The following RAD51B variants were observed in gnomAD, a reference collection of about 807,000 sequenced individuals.
RAD51B encodes DNA repair protein RAD51 homolog 2.
RAD51B carries 38 observed loss-of-function variants against 42.2 expected under a neutral mutation model. The observed-to-expected ratio is 0.90, with a 90% confidence interval of 0.70 to 1.18. The LOEUF is 1.18. Ranked by LOEUF, RAD51B falls within the 50% of genes most tolerant of loss-of-function variation. RAD51B has a pLI of 0.00. For missense variants in RAD51B, 373 were observed against 400.7 expected (o/e 0.93, Z 0.59); for synonymous variants, 154 against 145.2 (o/e 1.06, Z -0.43).
intron 7 of RAD51B, among the ~76,000 whole-genome samples, chr14:68,233,953 A>G (rs1291421135): frequency 2.6e-5 from 4 of 152,198 alleles, no homozygotes; most frequent in Non-Finnish European, 5.9e-5. Context: ...GGAGGTTTTA[A>G]AGAAAGAGAG....
At chr14:67,835,687 C>CA (rs143742757) in intron 4 of RAD51B, among the ~76,000 whole-genome samples, 19,524 of 145,800 alleles carry the variant, frequency 0.13, 1,672 homozygotes, top group Non-Finnish European at 0.2. Flanking sequence ...CTGTCTTTAC[C>CA]AAAAAAAAAA....
chr14:68,017,564 G>GT (rs1374035041), intron 7 of RAD51B, among the ~76,000 whole-genome samples: 1 of 152,002 alleles, frequency 6.6e-6, no homozygotes, highest in Non-Finnish European at 1.5e-5. Flanking sequence ...AATTGAATTT[G>GT]TTTTTTAGAG....
chr14:68,580,039 G>A (rs1424171991), intron 10 of RAD51B, among the ~76,000 whole-genome samples: 3 of 152,226 alleles, frequency 2.0e-5, no homozygotes, highest in Non-Finnish European at 2.9e-5. Context: ...ATGGAGCTTC[G>A]AAGGGGACTT....
chr14:68,388,572 C>T (rs1594765570), intron 8 of RAD51B, among the ~76,000 whole-genome samples: 2 of 152,228 alleles, frequency 1.3e-5, no homozygotes. Flanking sequence ...TTTACTGTCC[C>T]TCATAATTTC....
chr14:67,943,229 C>G (rs1178375327), intron 7 of RAD51B, among the ~76,000 whole-genome samples: 1 of 152,120 alleles, frequency 6.6e-6, no homozygotes, highest in African/African-American at 2.4e-5. Flanking sequence ...ATAGATTTCA[C>G]AAACATCACT....
intron 8 of RAD51B, chr14:68,306,692 T>C (rs2081873128): frequency 2.0e-6 from 1 of 503,380 alleles, no homozygotes; most frequent in Non-Finnish European, 4.0e-6. Flanking sequence ...CAAGTGTGTA[T>C]TGGAAAACTC....
At chr14:68,471,602 G>C (rs765533285) in intron 10 of RAD51B, among the ~76,000 whole-genome samples, 39 of 151,428 alleles carry the variant, frequency 2.6e-4, no homozygotes, top group Non-Finnish European at 5.2e-4. Context: ...GGGCTGGTTA[G>C]AGATTTCTCA....
chr14:68,002,471 A>G (rs1325683567), intron 7 of RAD51B, among the ~76,000 whole-genome samples: 9 of 152,064 alleles, frequency 5.9e-5, no homozygotes, highest in Non-Finnish European at 1.2e-4. Context: ...ATTTTCTGCC[A>G]TTCTGTTAGA....
chr14:68,650,259 C>T (rs1892673470), intron 10 of RAD51B, among the ~76,000 whole-genome samples: 1 of 152,208 alleles, frequency 6.6e-6, no homozygotes, highest in South Asian at 2.1e-4. Context: ...CTTCTCTGAA[C>T]CAACTCACAA....
intron 7 of RAD51B, among the ~76,000 whole-genome samples, chr14:67,966,451 T>C (rs2074779812): frequency 6.6e-6 from 1 of 152,232 alleles, no homozygotes; most frequent in South Asian, 2.1e-4. Context: ...AAATTAGTTC[T>C]TACTATATAA....
intron 7 of RAD51B, among the ~76,000 whole-genome samples, chr14:68,162,645 T>G (rs1041347005): frequency 6.6e-6 from 1 of 151,478 alleles, no homozygotes; most frequent in Admixed American, 6.6e-5. Context: ...ATTAGCCGGG[T>G]GTGGTGGCGG....
At chr14:68,431,431 CTGT>C (rs900485237) in intron 9 of RAD51B, among the ~76,000 whole-genome samples, 27 of 152,108 alleles carry the variant, frequency 1.8e-4, no homozygotes, top group African/African-American at 5.8e-4. Flanking sequence ...ATTTCAGAGC[CTGT>C]TATTAGTCTA....
At chr14:68,047,796 A>G (rs539282931) in intron 7 of RAD51B, among the ~76,000 whole-genome samples, 10 of 152,340 alleles carry the variant, frequency 6.6e-5, no homozygotes, top group African/African-American at 2.4e-4. Context: ...CACTGTATGA[A>G]GAAAATGCAG....
chr14:68,132,588 A>G (rs1161139383), intron 7 of RAD51B, among the ~76,000 whole-genome samples: 1 of 152,206 alleles, frequency 6.6e-6, no homozygotes, highest in African/African-American at 2.4e-5. Context: ...GTGGAAAGAT[A>G]TTAGGAATGT....
chr14:68,473,532 G>T (rs994264001), intron 10 of RAD51B, among the ~76,000 whole-genome samples: 1 of 148,292 alleles, frequency 6.7e-6, no homozygotes, highest in African/African-American at 2.4e-5. Context: ...CAGGCTCTCT[G>T]CTTTGTTTAC....
At chr14:68,444,845 C>G (rs1341716798) in intron 9 of RAD51B, among the ~76,000 whole-genome samples, 2 of 152,186 alleles carry the variant, frequency 1.3e-5, no homozygotes, top group Non-Finnish European at 2.9e-5. Flanking sequence ...AATAATGAGA[C>G]AGCAACCCAA....
chr14:68,325,542 G>T (rs147740376), intron 8 of RAD51B, among the ~76,000 whole-genome samples: 147 of 151,398 alleles, frequency 9.7e-4, no homozygotes, highest in African/African-American at 3.4e-3. Context: ...TTATCTTTTG[G>T]TGTGTAGGTA....
intron 7 of RAD51B, among the ~76,000 whole-genome samples, chr14:68,277,416 T>G (rs757263457): frequency 1.7e-4 from 26 of 152,180 alleles, no homozygotes; most frequent in Non-Finnish European, 3.2e-4. Context: ...AGTCTGCCTC[T>G]TTTTCTGGGA....
At chr14:67,890,595 G>A (rs952313894) in intron 7 of RAD51B, among the ~76,000 whole-genome samples, 21 of 148,614 alleles carry the variant, frequency 1.4e-4, no homozygotes, top group Non-Finnish European at 2.1e-4. Context: ...ATATCTCCCA[G>A]TGCTATCCCT....
Sources: gnomAD v4.1 joint callset for allele counts (sites outside exome capture counted in the v4.1 genomes callset) on GRCh38, gnomAD v4.1.1 for gene constraint, MANE v1.5 for transcripts, NCBI Gene and HGNC (gene_info 2026-07-23, HGNC 2026-07-21) for gene names.